The following PDXDC1 variants were observed in gnomAD, a reference collection of about 807,000 sequenced individuals.
The protein encoded by PDXDC1 is pyridoxal dependent decarboxylase domain containing 1, also known as pyridoxal-dependent decarboxylase domain-containing protein 1.
Under a neutral mutation model 100.1 loss-of-function variants are expected in PDXDC1, and 42 were observed. The ratio of observed to expected loss-of-function variants is 0.42; its 90% CI spans 0.33 to 0.54. The LOEUF (loss-of-function observed/expected upper bound fraction) is 0.54. PDXDC1 is among the 20% of genes least tolerant of loss of function. PDXDC1 has a pLI of 0.10. For synonymous variants in PDXDC1, 260 were observed against 371.7 expected (o/e 0.70, Z 3.46); for missense variants, 636 against 979.2 (o/e 0.65, Z 4.68).
At chr16:15,097,938 CT>C (rs35852184) in intron 16 of PDXDC1, among the ~76,000 whole-genome samples, 36 of 89,626 alleles carry the variant, frequency 4.0e-4, no homozygotes, top group South Asian at 2.6e-3. Flanking sequence ...CAACATTATG[CT>C]TTTTTTTTTT....
At chr16:14,998,223 G>A in intron 2 of PDXDC1, 117 bp from the exon 3 acceptor site, 4 of 948,256 alleles carry the variant, frequency 4.2e-6, no homozygotes, top group Middle Eastern at 2.2e-4. Context: ...AAATGTGTTT[G>A]AAATCCTGCC....
intron 16 of PDXDC1, among the ~76,000 whole-genome samples, chr16:15,073,904 T>C (rs557501160): frequency 6.6e-6 from 1 of 152,282 alleles, no homozygotes; most frequent in Admixed American, 6.5e-5. Context: ...ATAACAATTA[T>C]TTTAAAACAG....
chr16:15,052,238 CTTTA>C (rs1041773852), intron 16 of PDXDC1, among the ~76,000 whole-genome samples: 3 of 152,170 alleles, frequency 2.0e-5, no homozygotes, highest in Non-Finnish European at 2.9e-5. Context: ...TCCAATAAAA[CTTTA>C]TTTATAGGTG....
At chr16:15,141,941 G>A (rs1440260740), downstream of PDXDC1, among the ~76,000 whole-genome samples, 1 of 152,158 alleles carries the variant, frequency 6.6e-6, no homozygotes, top group South Asian at 2.1e-4. Flanking sequence ...CAATGCTTTA[G>A]GGAGAATGAG....
chr16:15,131,347 T>C, intron 16 of PDXDC1: 4 of 1,557,404 alleles, frequency 2.6e-6, no homozygotes, highest in South Asian at 1.1e-5. Context: ...GACGGTGTAG[T>C]TGCTGATATA....
chr16:14,989,642 G>A (rs1970244188), intron 1 of PDXDC1: 15 of 1,590,124 alleles, frequency 9.4e-6, no homozygotes, highest in Admixed American at 7.3e-5. Flanking sequence ...GGCCAGAGAC[G>A]GAGGCGGGCC....
At chr16:15,057,767 C>A (rs1597841710) in intron 16 of PDXDC1, among the ~76,000 whole-genome samples, 1 of 152,302 alleles carries the variant, frequency 6.6e-6, no homozygotes, top group East Asian at 1.9e-4. Flanking sequence ...AGTAGTCAAT[C>A]AAAGTGAGGC....
chr16:15,002,605 C>T (rs966048568), intron 4 of PDXDC1, among the ~76,000 whole-genome samples: 4 of 152,292 alleles, frequency 2.6e-5, no homozygotes, highest in Non-Finnish European at 5.9e-5. Context: ...ATTGCTGCAG[C>T]AAACAACTTT....
At chr16:15,132,573 G>C in intron 16 of PDXDC1, 1 of 659,434 alleles carries the variant, frequency 1.5e-6, no homozygotes, top group Non-Finnish European at 2.7e-6. Flanking sequence ...GGCTACTGAA[G>C]CAGGTCAGAG....
rs1972328399 is a variant in PDXDC1, at chr16:14,997,828, T to A, written c.95+2T>A. ...GAAGATGCTGGAGGACAGTCAGAGGTGAGTAGGACAGAGGTGACCCTGTTC... is the reference window on the plus strand; with the variant it reads ...GAAGATGCTGGAGGACAGTCAGAGGAGAGTAGGACAGAGGTGACCCTGTTC... On this transcript the variant is annotated splice_donor_variant, in intron 2 of 22. Transcript: ENST00000396410. LOFTEE classifies it high-confidence loss of function. 1 of 1,602,742 alleles carries A rather than the reference T, an allele frequency of 6.2e-7. No homozygotes were observed. Among genetic ancestry groups the A allele is most frequent in the East Asian group, 2.3e-5 (1 of 43,874 alleles).
At chr16:15,033,946 C>G (rs1048060794) in intron 19 of PDXDC1, 7 of 435,522 alleles carry the variant, frequency 1.6e-5, no homozygotes. Context: ...TAAGACTGCT[C>G]TGAAAGGAGA....
In PDXDC1 at chr16:15,125,864, A is replaced by G. The variant is rs1598200514; in HGVS notation, c.1400-13015A>G. ...CAGCTCAGACCTGCTCAGGACCTGG[A>G]TGAGAAGCCACCTCCTCAGCAGACA... On this transcript the variant is annotated intron_variant, in intron 16 of 16. Coordinates refer to the PDXDC1 transcript ENST00000535621. The G allele has an allele frequency of 9.6e-6, 8 of 831,870 alleles. No homozygotes were observed. In the East Asian group the frequency reaches 2.0e-4, roughly 21 times the overall value. The allele number at this position is 831,870 out of a possible 1,614,324, so 51.5% of individuals were successfully genotyped here.
intron 7 of PDXDC1, among the ~76,000 whole-genome samples, 158 bp downstream of exon 7, chr16:15,009,005 A>G (rs2041033141): frequency 6.6e-6 from 1 of 152,256 alleles, no homozygotes; most frequent in Non-Finnish European, 1.5e-5. Flanking sequence ...TAATATGTGA[A>G]TGTCCATGAA....
intron 16 of PDXDC1, chr16:15,044,671 G>T: frequency 1.9e-6 from 1 of 524,864 alleles, no homozygotes; most frequent in Non-Finnish European, 3.4e-6. Context: ...TGCACCAGTG[G>T]GGAACTTTGC....
At chr16:15,013,888 A>AAAC (rs2041559362) in intron 8 of PDXDC1, among the ~76,000 whole-genome samples, 1 of 152,114 alleles carries the variant, frequency 6.6e-6, no homozygotes, top group African/African-American at 2.4e-5. Flanking sequence ...AAAAAAAAAA[A>AAAC]AAAAAAAAAT....
chr16:14,989,602 G>A, intron 1 of PDXDC1: 1 of 1,608,850 alleles, frequency 6.2e-7, no homozygotes, highest in South Asian at 1.1e-5. Context: ...TCTTGCAGCA[G>A]CACGCAGTCG....
At chr16:14,988,093 T>C (rs1237939974) in intron 1 of PDXDC1, among the ~76,000 whole-genome samples, 3 of 152,126 alleles carry the variant, frequency 2.0e-5, no homozygotes, top group Non-Finnish European at 4.4e-5. Context: ...ACTCATTCCT[T>C]CCAATGCAAA....
intron 16 of PDXDC1, among the ~76,000 whole-genome samples, chr16:15,111,954 T>C (rs2151874893): frequency 1.4e-5 from 2 of 148,118 alleles, no homozygotes; most frequent in East Asian, 3.9e-4. Flanking sequence ...CCCCTGCTCC[T>C]TCCTGATCTG....
rs541401726 is a variant in PDXDC1 at position 15,123,325 on chromosome 16, C to T, written c.1400-15554C>T. 1.5e-4 allele frequency: 188 copies of T among 1,273,184 alleles called. 3 individuals carry two copies. In the South Asian group the frequency reaches 1.8e-3, roughly 12 times the overall value. 78.9% of individuals were successfully genotyped at this position (1,273,184 alleles called of 1,614,324 possible). On this transcript the variant is annotated intron_variant, in intron 16 of 16. Transcript: ENST00000535621. ...GGTCCACCCCAACCAGCTCCCTGTC[C>T]CTGCTTCTGGGCGCTCCTTCCTTCC... is the stretch of plus-strand genomic sequence containing the variant.
Sources: gnomAD v4.1 joint callset for allele counts (sites outside exome capture counted in the v4.1 genomes callset) on GRCh38, gnomAD v4.1.1 for gene constraint, MANE v1.5 for transcripts, NCBI Gene and HGNC (gene_info 2026-07-23, HGNC 2026-07-21) for gene names.